The following RBFOX1 variants were observed in gnomAD, a reference collection of about 807,000 sequenced individuals.
RBFOX1 encodes RNA binding protein fox-1 homolog 1.
Under a neutral mutation model 57.7 loss-of-function variants are expected in RBFOX1, and 8 were observed. That is an observed-to-expected ratio of 0.14 (90% CI 0.08 to 0.25). RBFOX1 has a LOEUF of 0.25. Among genes scored for constraint, RBFOX1 ranks in the 10% least tolerant of loss-of-function variants. The probability of loss-of-function intolerance (pLI) is 1.00; values close to 1 mark genes in which losing one functional copy is unlikely to be tolerated. For missense variants in RBFOX1, 611 were observed against 548.5 expected (o/e 1.11, Z -1.14); for synonymous variants, 326 against 222.4 (o/e 1.47, Z -4.15).
intron 2 of RBFOX1, among the ~76,000 whole-genome samples, chr16:6,628,938 G>C (rs1434969437): frequency 6.6e-6 from 1 of 152,188 alleles, no homozygotes; most frequent in Non-Finnish European, 1.5e-5. Context: ...GCTGAGACAG[G>C]AGAATTGCTT....
At chr16:5,366,762 TC>T in intron 1 of RBFOX1, 1 of 302,196 alleles carries the variant, frequency 3.3e-6, no homozygotes, top group South Asian at 3.4e-5. Flanking sequence ...TATCTGGCTG[TC>T]CTTTTTGTAA....
chr16:7,159,307 G>C (rs911346366), intron 4 of RBFOX1, among the ~76,000 whole-genome samples: 1 of 152,114 alleles, frequency 6.6e-6, no homozygotes, highest in South Asian at 2.1e-4. Context: ...TTGTCACTGC[G>C]TCATGCCTAT....
chr16:5,327,190 G>A (rs775545547), intron 1 of RBFOX1, among the ~76,000 whole-genome samples: 1 of 152,166 alleles, frequency 6.6e-6, no homozygotes, highest in Admixed American at 6.5e-5. Flanking sequence ...AAAATTTGGT[G>A]TGTAGATCCC....
intron 3 of RBFOX1, among the ~76,000 whole-genome samples, chr16:6,864,169 A>G (rs564410188): frequency 5.5e-4 from 84 of 152,208 alleles, no homozygotes; most frequent in African/African-American, 1.9e-3. Context: ...AATTATTTTA[A>G]TAATTCTTGT....
At chr16:6,266,186 G>T (rs1364551068) in intron 1 of RBFOX1, among the ~76,000 whole-genome samples, 1 of 152,092 alleles carries the variant, frequency 6.6e-6, no homozygotes, top group Non-Finnish European at 1.5e-5. Flanking sequence ...TTCTCTATCA[G>T]CCTGGACCCT....
In RBFOX1 at chr16:5,789,736, A is replaced by G. The variant is rs117160823; in HGVS notation, c.319-77567A>G. ...GCTCAAAAATGTTAAATAATCTGCC[A>G]TAAGTTCCCAGGCTCACAAGTGTCT... On this transcript the variant is annotated intron_variant, in intron 3 of 19. Coordinates refer to the RBFOX1 transcript ENST00000641259. Among the ~76,000 whole-genome samples the G allele has an allele frequency of 1.3e-3, 204 of 152,334 alleles. 5 individuals are homozygous for G. In the East Asian group the frequency reaches 0.037, roughly 28 times the overall value.
At chr16:7,525,067 C>T (rs1188507832) in intron 5 of RBFOX1, among the ~76,000 whole-genome samples, 1 of 152,142 alleles carries the variant, frequency 6.6e-6, no homozygotes, top group Non-Finnish European at 1.5e-5. Flanking sequence ...TATTTCCTTC[C>T]AGAAGTGTTT....
intron 4 of RBFOX1, among the ~76,000 whole-genome samples, chr16:5,966,829 C>A (rs1193365082): frequency 6.6e-6 from 1 of 152,054 alleles, no homozygotes; most frequent in Non-Finnish European, 1.5e-5. Flanking sequence ...CAGATCCAAA[C>A]CATATCAGCA....
chr16:7,343,600 GT>G lies in RBFOX1; in HGVS notation c.28-174542del. Among the ~76,000 whole-genome samples, 2 of 152,312 alleles carry G rather than the reference GT, an allele frequency of 1.3e-5. 1 individual carries two copies. Among genetic ancestry groups the G allele is most frequent in the South Asian group, 4.1e-4 (2 of 4,824 alleles). ...TGTTATAATAACAACAGCAGCTGCT[GT>G]TTTTAGGCATTTACTATATATGAGG... On this transcript the variant is annotated intron_variant, in intron 4 of 15. Coordinates refer to ENST00000550418, the MANE Select transcript of RBFOX1 (RefSeq NM_018723.4).
At chr16:6,806,777 TTC>T (rs375567164) in intron 3 of RBFOX1, among the ~76,000 whole-genome samples, 27,164 of 138,174 alleles carry the variant, frequency 0.2, 3,590 homozygotes, top group Non-Finnish European at 0.29. Flanking sequence ...TTGTTTCTTT[TTC>T]TCTTTCCTTT....
At position 7,215,791 on chromosome 16, in the gene RBFOX1, C is replaced by G. The variant is rs140036023; in HGVS notation, c.27+163693C>G. 6.4e-3 allele frequency among the ~76,000 whole-genome samples: 927 copies of G among 145,228 alleles called. 12 individuals are homozygous for G. Among genetic ancestry groups the G allele is most frequent in the African/African-American group, 0.022 (854 of 38,690 alleles). On this transcript the variant is annotated intron_variant, in intron 4 of 15. Coordinates refer to ENST00000550418, the MANE Select transcript of RBFOX1 (RefSeq NM_018723.4). ...CCAGGCGGGAGTGCAGTGGCGTGAT[C>G]TCGGCTCACTGCAAGCTCTGCCTCT... is the stretch of plus-strand genomic sequence containing the variant.
chr16:6,274,098 A>G (rs1017765605), intron 1 of RBFOX1, among the ~76,000 whole-genome samples: 1 of 152,194 alleles, frequency 6.6e-6, no homozygotes, highest in African/African-American at 2.4e-5. Flanking sequence ...GCTGGAGAGG[A>G]TGTCAAATGA....
At chr16:6,099,275 G>C (rs948747545) in intron 1 of RBFOX1, among the ~76,000 whole-genome samples, 1 of 152,188 alleles carries the variant, frequency 6.6e-6, no homozygotes, top group Non-Finnish European at 1.5e-5. Context: ...CTGCTTTTTA[G>C]CTTGTGGTTC....
chr16:7,589,885 A>T (rs2094343206), intron 7 of RBFOX1, among the ~76,000 whole-genome samples: 1 of 142,240 alleles, frequency 7.0e-6, no homozygotes, highest in Non-Finnish European at 1.5e-5. Flanking sequence ...CAGGCAGGCC[A>T]CTCAATGCTG....
intron 5 of RBFOX1, among the ~76,000 whole-genome samples, chr16:7,573,759 C>G (rs545942261): frequency 6.6e-6 from 1 of 151,720 alleles, no homozygotes; most frequent in Non-Finnish European, 1.5e-5. Flanking sequence ...TGCTTGAACC[C>G]GGGAGGCAGA....
At chr16:5,982,622 A>G (rs1447053829) in intron 4 of RBFOX1, among the ~76,000 whole-genome samples, 10 of 152,194 alleles carry the variant, frequency 6.6e-5, no homozygotes, top group African/African-American at 2.4e-4. Context: ...ATGCTCATCC[A>G]TATGGCTCTA....
rs557578093 is a variant in RBFOX1 at position 6,967,560 on chromosome 16, C to T, written c.-15-84497C>T. Among the ~76,000 whole-genome samples the T allele has an allele frequency of 2.6e-5, 4 of 152,222 alleles. No individual in the cohort carries two copies. In the South Asian group the frequency reaches 6.2e-4, roughly 24 times the overall value. ...TAGACTGACTTGCTTATGTGTTTCT[C>T]CTACACCTCTTTACATGTCATCAGC... On this transcript the variant is annotated intron_variant, in intron 3 of 15. Transcript: ENST00000550418.
intron 4 of RBFOX1, among the ~76,000 whole-genome samples, chr16:7,298,538 C>G (rs1050804163): frequency 6.6e-6 from 1 of 152,062 alleles, no homozygotes. Context: ...GTGATCCACT[C>G]GCCTTGGCCT....
intron 1 of RBFOX1, among the ~76,000 whole-genome samples, chr16:6,291,188 T>G (rs1470406593): frequency 6.6e-6 from 1 of 152,146 alleles, no homozygotes; most frequent in Non-Finnish European, 1.5e-5. Flanking sequence ...AGCAAGGTCT[T>G]CTTGACCTGT....
Sources: gnomAD v4.1 joint callset for allele counts (sites outside exome capture counted in the v4.1 genomes callset) on GRCh38, gnomAD v4.1.1 for gene constraint, MANE v1.5 for transcripts, NCBI Gene and HGNC (gene_info 2026-07-23, HGNC 2026-07-21) for gene names.